EXD2: variants seen among roughly 807,000 people sequenced by gnomAD.
EXD2 encodes the protein exonuclease 3'-5' domain containing 2.
Under a neutral mutation model 62.5 loss-of-function variants are expected in EXD2, and 40 were observed. That is an observed-to-expected ratio of 0.64 (90% CI 0.50 to 0.83). The LOEUF is 0.83. Ranked by LOEUF, EXD2 falls within the 40% of genes least tolerant of loss-of-function variation. The pLI is 0.00. For synonymous variants in EXD2, 239 were observed against 291.9 expected (o/e 0.82, Z 1.85); for missense variants, 671 against 761.8 (o/e 0.88, Z 1.40).
At chr14:69,191,723 C>A (rs4899285) in intron 1 of EXD2, 132 bp downstream of exon 1, 152,334 of 152,336 alleles carry the variant, frequency 1, 76,166 homozygotes, top group Middle Eastern at 1. Context: ...CATTGCGGGG[C>A]CCCCGCTGTC....
intron 2 of EXD2, among the ~76,000 whole-genome samples, chr14:69,207,322 TG>T (rs934018863): frequency 4.0e-5 from 6 of 151,878 alleles, no homozygotes; most frequent in African/African-American, 1.5e-4. Flanking sequence ...GGTAAAACCC[TG>T]TCTCTACTAA....
chr14:69,224,644 G>A (rs758874642), intron 3 of EXD2, among the ~76,000 whole-genome samples: 5 of 152,088 alleles, frequency 3.3e-5, no homozygotes, highest in Non-Finnish European at 5.9e-5. Flanking sequence ...ATGCAAATTA[G>A]ATTGTGTCAG....
chr14:69,215,021 C>G (rs561738317), intron 3 of EXD2, among the ~76,000 whole-genome samples: 1 of 152,144 alleles, frequency 6.6e-6, no homozygotes, highest in South Asian at 2.1e-4. Flanking sequence ...GTGGCTAACA[C>G]CTGTAATCTC....
chr14:69,196,639 T>C (rs954781862), intron 1 of EXD2, among the ~76,000 whole-genome samples: 1 of 123,190 alleles, frequency 8.1e-6, no homozygotes, highest in East Asian at 2.9e-4. Context: ...TTTTTTTTTT[T>C]GAGAGACAGG....
intron 5 of EXD2, among the ~76,000 whole-genome samples, chr14:69,232,141 C>A (rs771630226): frequency 1.3e-5 from 2 of 152,090 alleles, no homozygotes; most frequent in Non-Finnish European, 2.9e-5. Flanking sequence ...TCAGTTTTGC[C>A]TGGTATTACC....
chr14:69,235,017 G>A lies in EXD2; in HGVS notation c.1035G>A (p.Val345=). The A allele has an allele frequency of 6.3e-7, 1 of 1,590,968 alleles. No individual in the cohort carries two copies. The change falls in exon 6 of 10, where the codon GTG becomes GTA. Residue 345 remains valine (V), a synonymous_variant. Coordinates refer to ENST00000685843, the MANE Select transcript of EXD2 (RefSeq NM_001193360.2). ...PRKHKRKPLG[V]GYSARKSPLY... is the part of the protein sequence containing the mutation. ...AACATAAAAGAAAGCCTCTGGGGGT[G>A]GGCTATTCTGCCAGGTAACTGAATC...
intron 3 of EXD2, among the ~76,000 whole-genome samples, chr14:69,221,527 G>A (rs776142836): frequency 4.6e-5 from 7 of 152,260 alleles, no homozygotes; most frequent in Middle Eastern, 3.4e-3. Flanking sequence ...CACTATGGGA[G>A]GCTGAGGCAG....
In EXD2 at chr14:69,242,236, A is replaced by C. The variant is rs2043999983; in HGVS notation, c.*1136A>C. 2 of 391,158 alleles carry C rather than the reference A, an allele frequency of 5.1e-6. No homozygotes were observed. Among genetic ancestry groups the C allele is most frequent in the Non-Finnish European group, 9.0e-6 (2 of 222,194 alleles). The allele number at this position is 391,158 out of a possible 1,614,324, so 24.2% of individuals were successfully genotyped here. Reference sequence around the variant, plus strand: ...ATTGGGAAAACTTTCTTATTTTATAAGATCTTAACAAGCTTAAAAAAGAAT... The same window carrying C: ...ATTGGGAAAACTTTCTTATTTTATACGATCTTAACAAGCTTAAAAAAGAAT... On this transcript the variant is annotated 3_prime_UTR_variant, in exon 10 of 10. Coordinates refer to ENST00000685843, the MANE Select transcript of EXD2 (RefSeq NM_001193360.2).
chr14:69,236,386 A>G (rs1260904608), intron 7 of EXD2, 21 bp from the exon 8 acceptor site: 1 of 1,613,960 alleles, frequency 6.2e-7, no homozygotes. Flanking sequence ...GCAGTCAAAC[A>G]CTGATGTCTC....
chr14:69,204,715 C>T (rs2042526479), intron 2 of EXD2, among the ~76,000 whole-genome samples: 1 of 152,136 alleles, frequency 6.6e-6, no homozygotes, highest in East Asian at 1.9e-4. Flanking sequence ...AGTACTGAAC[C>T]ATACTACCTC....
intron 3 of EXD2, among the ~76,000 whole-genome samples, chr14:69,214,984 T>A (rs2042941299): frequency 6.6e-6 from 1 of 151,990 alleles, no homozygotes; most frequent in African/African-American, 2.4e-5. Context: ...TATATATATA[T>A]ATAAAATACA....
Position 69,234,855 on chromosome 14 carries a change from A to G in EXD2, c.873A>G (p.Pro291=). ...AATGCCAGGGTGTGGTCGACATCCCATTTCGAAGCAAAGGAATGAGCAGAT... is the reference window on the plus strand; with the variant it reads ...AATGCCAGGGTGTGGTCGACATCCCGTTTCGAAGCAAAGGAATGAGCAGAT... ...LEKCQGVVDI[P]FRSKGMSRLG... Residue 291 remains proline, a synonymous_variant, in exon 6 of 10, where the codon CCA becomes CCG. Transcript: ENST00000685843. 1 of 1,614,250 alleles carries G rather than the reference A, an allele frequency of 6.2e-7. No individual in the cohort carries two copies. The highest frequency in any genetic ancestry group is 8.5e-7 in the Non-Finnish European group (1 of 1,180,040).
chr14:69,217,137 T>C (rs1594754597), intron 3 of EXD2, among the ~76,000 whole-genome samples: 1 of 152,274 alleles, frequency 6.6e-6, no homozygotes. Context: ...ACTACAGCCT[T>C]GAGGTCCTAG....
intron 3 of EXD2, 150 bp from the exon 4 acceptor site, chr14:69,228,666 A>T: frequency 1.1e-6 from 1 of 946,236 alleles, no homozygotes; most frequent in Non-Finnish European, 1.6e-6. Flanking sequence ...TTGTTACTGT[A>T]GACTTATCTG....
intron 7 of EXD2, 56 bp downstream of exon 7, chr14:69,236,208 G>C: frequency 6.5e-7 from 1 of 1,531,398 alleles, no homozygotes; most frequent in Non-Finnish European, 9.1e-7. Context: ...GATGCTGGCA[G>C]GAGTGGGGAG....
At chr14:69,209,276 C>A in intron 2 of EXD2, 148 bp from the exon 3 acceptor site, 2 of 455,876 alleles carry the variant, frequency 4.4e-6, no homozygotes, top group Non-Finnish European at 3.8e-6. Flanking sequence ...GAAATTAAAC[C>A]ATTGCTACTA....
rs1170081776 is a variant in EXD2 at position 69,241,873 on chromosome 14, G to C, written c.*773G>C. 1 of 398,886 alleles carries C rather than the reference G, an allele frequency of 2.5e-6. No homozygotes were observed. Among genetic ancestry groups the C allele is most frequent in the Non-Finnish European group, 4.4e-6 (1 of 226,084 alleles). 24.7% of individuals were successfully genotyped at this position (398,886 alleles called of 1,614,324 possible). ...TTTCCTTTCATGCTGTTTGTTGCCT[G>C]CTTGTTGCACTCCTCCTGCCCCAGA... On this transcript the variant is annotated 3_prime_UTR_variant, in exon 10 of 10. Coordinates refer to ENST00000685843, the MANE Select transcript of EXD2 (RefSeq NM_001193360.2).
rs2042740125 is a variant in EXD2 at position 69,209,697 on chromosome 14, A to G, written c.227A>G (p.Lys76Arg). 1 of 1,550,428 alleles carries G rather than the reference A, an allele frequency of 6.4e-7. No individual in the cohort carries two copies. Among genetic ancestry groups the G allele is most frequent in the Non-Finnish European group, 8.7e-7 (1 of 1,146,996 alleles). Residue 76 changes from lysine to arginine, a missense_variant, in exon 3 of 10, where the codon AAA (lysine) becomes AGA (arginine). Transcript: ENST00000685843. ...PRSSWKERIL[K>R]AKVVTVSQEA... ...TCCTCGTGGAAGGAACGGATCCTTA[A>G]AGCAAAGGTGGTGACGGTGTCTCAG...
At chr14:69,231,285 T>A (rs1413084297) in intron 5 of EXD2, among the ~76,000 whole-genome samples, 1 of 152,178 alleles carries the variant, frequency 6.6e-6, no homozygotes, top group African/African-American at 2.4e-5. Context: ...CACTTTCATT[T>A]CTTTCTGGTA....
Sources: gnomAD v4.1 joint callset for allele counts (sites outside exome capture counted in the v4.1 genomes callset) on GRCh38, gnomAD v4.1.1 for gene constraint, MANE v1.5 for transcripts, NCBI Gene and HGNC (gene_info 2026-07-23, HGNC 2026-07-21) for gene names.